Variants in MRC2 observed in about 807,000 individuals in gnomAD.
The protein encoded by MRC2 is C-type mannose receptor 2.
Under a neutral mutation model 206.2 loss-of-function variants are expected in MRC2, and 84 were observed. The observed-to-expected ratio is 0.41, with a 90% CI of 0.34 to 0.49. The LOEUF is 0.49. Among genes scored for constraint, MRC2 ranks in the 20% least tolerant of loss-of-function variants. MRC2 has a pLI of 0.31. For synonymous variants in MRC2, 798 were observed against 800.0 expected (o/e 1.00, Z 0.04); for missense variants, 1,676 against 2,001.5 (o/e 0.84, Z 3.10).
At chr17:62,684,021 A>G (rs1021427897) in intron 20 of MRC2, 1 of 152,240 alleles carries the variant, frequency 6.6e-6, no homozygotes, top group Non-Finnish European at 1.5e-5. Flanking sequence ...GTAGTTCATG[A>G]AAGTTGAAGG....
chr17:62,676,502 T>G lies in MRC2; in HGVS notation c.1805T>G (p.Met602Arg), dbSNP rs1356812998. The part of the protein sequence containing the change: ...SFFWLSGDEV[M>R]YTHWNRDQPG... ...TTCTGGCTCAGTGGGGATGAAGTCA[T>G]GTACACCCACTGGAACCGGGACCAG... Residue 602 changes from methionine to arginine, a missense_variant, in exon 11 of 30, where the codon ATG (methionine) becomes AGG (arginine). By Grantham distance (91) the Met-to-Arg change is moderately conservative. This residue lies in a region of MRC2 where 1,354 missense variants were observed against 1,636.6 expected (regional missense o/e 0.83). Coordinates refer to ENST00000303375, the MANE Select transcript of MRC2 (RefSeq NM_006039.5). The G allele has an allele frequency of 6.2e-7, 1 of 1,606,642 alleles. No homozygotes were observed. The highest frequency in any genetic ancestry group is 8.5e-7 in the Non-Finnish European group (1 of 1,176,520).
At chr17:62,634,258 GTTATAA>G (rs1217141839) in intron 1 of MRC2, among the ~76,000 whole-genome samples, 1 of 151,958 alleles carries the variant, frequency 6.6e-6, no homozygotes, top group Non-Finnish European at 1.5e-5. Context: ...ATGCCAATGC[GTTATAA>G]TTAGTGTATA....
intron 1 of MRC2, among the ~76,000 whole-genome samples, chr17:62,637,799 C>T (rs1186464387): frequency 1.3e-5 from 2 of 152,198 alleles, no homozygotes; most frequent in African/African-American, 4.8e-5. Flanking sequence ...GCTGTCGTCC[C>T]TCAAACACCT....
In MRC2 at chr17:62,680,056, G is replaced by C; in HGVS notation, c.2299-114G>C. 1 of 1,542,754 alleles carries C rather than the reference G, an allele frequency of 6.5e-7. No homozygotes were observed. Among genetic ancestry groups the C allele is most frequent in the Non-Finnish European group, 8.8e-7 (1 of 1,133,574 alleles). On this transcript the variant is annotated intron_variant, in intron 14 of 29. Coordinates refer to ENST00000303375, the MANE Select transcript of MRC2 (RefSeq NM_006039.5). The surrounding 1 kb of genome is among the most constrained non-coding windows in gnomAD (Gnocchi z 4.8). Reference sequence around the variant, plus strand: ...AAGCAGGTCCGAGAGGGGTCACCCGGCCCCCGGTGAGAATTCGCAGCTCAG... The same window carrying C: ...AAGCAGGTCCGAGAGGGGTCACCCGCCCCCCGGTGAGAATTCGCAGCTCAG...
rs1344368213 is a variant in MRC2 at position 62,671,484 on chromosome 17, G to GT, written c.1118-158dup. ...CTCCAGCAGCCCTGTAAAGTTTTGTGTTTTTTTAGCATTTCCAAGACCTGT... is the reference window on the plus strand; with the variant it reads ...CTCCAGCAGCCCTGTAAAGTTTTGTGTTTTTTTTAGCATTTCCAAGACCTGT... On this transcript the variant is annotated intron_variant, in intron 6 of 29. Coordinates refer to ENST00000303375, the MANE Select transcript of MRC2 (RefSeq NM_006039.5). The surrounding 1 kb of genome is among the most constrained non-coding windows in gnomAD (Gnocchi z 4.5). Among the ~76,000 whole-genome samples, 4 of 152,192 alleles carry GT rather than the reference G, an allele frequency of 2.6e-5. No individual in the cohort carries two copies. Among genetic ancestry groups the GT allele is most frequent in the Admixed American group, 6.5e-5 (1 of 15,280 alleles).
At position 62,664,826 on chromosome 17, in the gene MRC2, C is replaced by A; in HGVS notation, c.397C>A (p.Leu133Ile). ...TACACTGGGTGACCAGCTGTCCTTG[C>A]TCCTGGGGGCCCGCACCAGCAACAT... is the stretch of plus-strand genomic sequence containing the variant. ...CRTLGDQLSL[L>I]LGARTSNISK... Residue 133 changes from leucine to isoleucine, a missense_variant, in exon 2 of 30, where the codon CTC becomes ATC. Physicochemically the swap from Leu to Ile is conservative, Grantham distance 5. This residue lies in a region of MRC2 where 318 missense variants were observed against 346.7 expected (regional missense o/e 0.92). Coordinates refer to ENST00000303375, the MANE Select transcript of MRC2 (RefSeq NM_006039.5). This position sits in a 1 kb window ranked among gnomAD's most constrained non-coding sequence, Gnocchi z 4.7. 4 of 1,613,864 alleles carry A rather than the reference C, an allele frequency of 2.5e-6. No homozygotes were observed. Among genetic ancestry groups the A allele is most frequent in the Non-Finnish European group, 3.4e-6 (4 of 1,180,036 alleles).
intron 20 of MRC2, among the ~76,000 whole-genome samples, chr17:62,685,059 T>C (rs1202704558): frequency 6.6e-6 from 1 of 152,010 alleles, no homozygotes; most frequent in Non-Finnish European, 1.5e-5. Flanking sequence ...GCAGAATCGC[T>C]TGAACCTGGG....
rs2088721631 is a variant in MRC2 at position 62,664,492 on chromosome 17, CAA to C, written c.119-55_119-54del. The C allele has an allele frequency of 3.2e-6, 5 of 1,550,126 alleles. No homozygotes were observed. Among genetic ancestry groups the C allele is most frequent in the Non-Finnish European group, 4.4e-6 (5 of 1,149,154 alleles). On this transcript the variant is annotated intron_variant, in intron 1 of 29. Transcript: ENST00000303375. This position sits in a 1 kb window ranked among gnomAD's most constrained non-coding sequence, Gnocchi z 4.7. Reference sequence around the variant, plus strand: ...GGTGCCTGTCAGCCACACCGGTCATCAAGGGCCAACCAGGAGAGCCCCTGTGA... The same window carrying C: ...GGTGCCTGTCAGCCACACCGGTCATCGGGCCAACCAGGAGAGCCCCTGTGA...
At chr17:62,628,066 G>A (rs2084184074) in intron 1 of MRC2, 146 bp downstream of exon 1, 2 of 541,698 alleles carry the variant, frequency 3.7e-6, no homozygotes, top group East Asian at 3.6e-5. Flanking sequence ...TTTAAAACTC[G>A]TCTCCGCTTT....
In MRC2 at chr17:62,680,802, C is replaced by G. The variant is rs1474223849; in HGVS notation, c.2476C>G (p.Arg826Gly). 1 of 1,608,820 alleles carries G rather than the reference C, an allele frequency of 6.2e-7. No homozygotes were observed. The highest frequency in any genetic ancestry group is 8.5e-7 in the Non-Finnish European group (1 of 1,177,902). ...VREPDDSPQG[R>G]REWLRFQEAE... ...CCACGCCCGCGCTGCTCCTGCAGGC[C>G]GACGGGAATGGCTGCGCTTCCAGGA... is the stretch of plus-strand genomic sequence containing the variant. The change falls in exon 17 of 30, where the codon CGA (arginine) becomes GGA (glycine). Residue 826 changes from arginine to glycine, a missense_variant and splice_region_variant. Transcript: ENST00000303375. This position sits in a 1 kb window ranked among gnomAD's most constrained non-coding sequence, Gnocchi z 4.8.
chr17:62,637,803 A>G (rs1395040924), intron 1 of MRC2, among the ~76,000 whole-genome samples: 2 of 152,066 alleles, frequency 1.3e-5, no homozygotes, highest in Non-Finnish European at 2.9e-5. Context: ...TCGTCCCTCA[A>G]ACACCTCCAG....
intron 1 of MRC2, among the ~76,000 whole-genome samples, chr17:62,648,238 T>C (rs1435063587): frequency 1.3e-5 from 2 of 152,210 alleles, no homozygotes; most frequent in Non-Finnish European, 2.9e-5. Context: ...ACCCCATCTC[T>C]ACTAAAAATA....
chr17:62,653,810 C>G (rs1365507682), intron 1 of MRC2, among the ~76,000 whole-genome samples: 2 of 151,938 alleles, frequency 1.3e-5, no homozygotes, highest in African/African-American at 2.4e-5. Context: ...TTCAGGATGT[C>G]GGTGGGGATG....
Position 62,649,121 on chromosome 17 carries a change from A to T in MRC2, c.119-15427A>T, listed in dbSNP as rs140591745. ...CCCAAGCAGAGGTGCGAACCTGGGT[A>T]GGTCCACATTCTAGAGCTGCCCTCC... On this transcript the variant is annotated intron_variant, in intron 1 of 29. Transcript: ENST00000303375. Among the ~76,000 whole-genome samples the T allele has an allele frequency of 6.3e-3, 956 of 152,334 alleles. 10 individuals are homozygous for T. The highest frequency in any genetic ancestry group is 0.022 in the African/African-American group (919 of 41,588).
At chr17:62,677,606 GATTTC>G in intron 12 of MRC2, 120 bp downstream of exon 12, 1 of 863,420 alleles carries the variant, frequency 1.2e-6, no homozygotes, top group South Asian at 1.9e-5. Flanking sequence ...GCAGACGGGT[GATTTC>G]TGGTGAGACT....
At position 62,692,773 on chromosome 17, in the gene MRC2, G is replaced by C; in HGVS notation, c.*322G>C. Reference sequence around the variant, plus strand: ...GAGCCTCTTTCTCCCCAGAGCCCCCGGCCCAGGCCTGTTGATCCGCGCCCC... The same window carrying C: ...GAGCCTCTTTCTCCCCAGAGCCCCCCGCCCAGGCCTGTTGATCCGCGCCCC... On this transcript the variant is annotated 3_prime_UTR_variant, in exon 30 of 30. Transcript: ENST00000303375. The surrounding 1 kb of genome is among the most constrained non-coding windows in gnomAD (Gnocchi z 4.2). 1 of 331,990 alleles carries C rather than the reference G, an allele frequency of 3.0e-6. No homozygotes were observed. Among genetic ancestry groups the C allele is most frequent in the Non-Finnish European group, 5.8e-6 (1 of 173,426 alleles). 20.6% of individuals were successfully genotyped at this position (331,990 alleles called of 1,614,324 possible).
At chr17:62,653,959 G>T (rs1264641532) in intron 1 of MRC2, among the ~76,000 whole-genome samples, 4 of 152,140 alleles carry the variant, frequency 2.6e-5, no homozygotes, top group African/African-American at 9.6e-5. Flanking sequence ...GGTGGTGCAG[G>T]GTGGGGTGCT....
intron 8 of MRC2, 72 bp from the exon 9 acceptor site, chr17:62,673,991 A>G (rs889283055): frequency 8.3e-7 from 1 of 1,203,374 alleles, no homozygotes; most frequent in Non-Finnish European, 1.2e-6. Flanking sequence ...TCTAGGAACC[A>G]GATTCCAAGA....
At chr17:62,647,015 C>G (rs917270001) in intron 1 of MRC2, among the ~76,000 whole-genome samples, 2 of 152,112 alleles carry the variant, frequency 1.3e-5, no homozygotes, top group Non-Finnish European at 2.9e-5. Flanking sequence ...CTCCGAGATT[C>G]TAATTCAGTA....
Sources: gnomAD v4.1 joint callset for allele counts (sites outside exome capture counted in the v4.1 genomes callset) on GRCh38, gnomAD v4.1.1 for gene constraint, gnomAD v4.1.1 regional missense constraint, Gnocchi (gnomAD v3.1) non-coding constraint, MANE v1.5 for transcripts, NCBI Gene and HGNC (gene_info 2026-07-23, HGNC 2026-07-21) for gene names.